Variants in HYLS1 observed in about 807,000 individuals in gnomAD.
The protein encoded by HYLS1 is HYLS1 centriolar and ciliogenesis associated.
A neutral mutation model predicts 29.4 loss-of-function variants in HYLS1; 25 were observed. The observed-to-expected ratio is 0.85, with a 90% CI of 0.62 to 1.19. The LOEUF (loss-of-function observed/expected upper bound fraction) is 1.19, where lower values mean the gene tolerates loss of function less well. Ranked by LOEUF, HYLS1 falls within the 50% of genes most tolerant of loss-of-function variation. The probability of loss-of-function intolerance (pLI) is 0.00; values close to 1 mark genes in which losing one functional copy is unlikely to be tolerated. For missense variants in HYLS1, 352 were observed against 365.1 expected (o/e 0.96, Z 0.29); for synonymous variants, 128 against 126.7 (o/e 1.01, Z -0.07).
At chr11:125,893,604 A>G in intron 2 of HYLS1, 1 of 514,418 alleles carries the variant, frequency 1.9e-6, no homozygotes, top group Non-Finnish European at 3.3e-6. Context: ...GGATAAGAGA[A>G]TATTTGAAAT....
In HYLS1 at chr11:125,899,595, A is replaced by G. The variant is rs1591507330; in HGVS notation, c.227A>G (p.Asn76Ser). The change falls in exon 3 of 3, where the codon AAT becomes AGT. Residue 76 changes from asparagine to serine, a missense_variant. By Grantham distance (46) the Asn-to-Ser change is conservative (BLOSUM62 1). Coordinates refer to ENST00000425380, the MANE Select transcript of HYLS1 (RefSeq NM_001134793.2). ...VQLQYPHVES[N>S]VPSETVSEAS... The stretch of plus-strand genomic sequence containing the variant: ...CTACAGTACCCACATGTAGAAAGTA[A>G]TGTCCCTTCAGAAACAGTCTCTGAG... 3 of 1,614,164 alleles carry G rather than the reference A, an allele frequency of 1.9e-6. No homozygotes were observed. The highest frequency in any genetic ancestry group is 1.7e-5 in the Admixed American group (1 of 60,026).
At chr11:125,886,833 C>G (rs1944312700), upstream of HYLS1, among the ~76,000 whole-genome samples, 1 of 146,092 alleles carries the variant, frequency 6.8e-6, no homozygotes, top group African/African-American at 2.5e-5. Flanking sequence ...ATCGCTTGAA[C>G]CTGGGAGGCA....
At chr11:125,889,122 ACGTC>A (rs1224221970) in intron 1 of HYLS1, among the ~76,000 whole-genome samples, 1 of 152,236 alleles carries the variant, frequency 6.6e-6, no homozygotes, top group African/African-American at 2.4e-5. Flanking sequence ...ATTTAAAAGA[ACGTC>A]AGTTAAGCAG....
Position 125,894,194 on chromosome 11 carries a change from G to A in HYLS1, c.-26+2722G>A. On this transcript the variant is annotated intron_variant, in intron 2 of 2. Coordinates refer to ENST00000425380, the MANE Select transcript of HYLS1 (RefSeq NM_001134793.2). ...ATTAGCCCACAGTTGTTGTAGGTGG[G>A]TAATATTGAACTCCTGAGCCTCCTG... The A allele has an allele frequency of 3.7e-6, 6 of 1,613,998 alleles. No homozygotes were observed. The highest frequency in any genetic ancestry group is 5.1e-6 in the Non-Finnish European group (6 of 1,179,950).
rs1275455368 is a variant in HYLS1 at position 125,899,556 on chromosome 11, C to G, written c.188C>G (p.Ala63Gly). 1 of 1,614,180 alleles carries G rather than the reference C, an allele frequency of 6.2e-7. No homozygotes were observed. The highest frequency in any genetic ancestry group is 1.1e-5 in the South Asian group (1 of 91,084). ...TCAGTAGCCCCAGGGAAGCGACCTG[C>G]TCTTCCTGTGCAACTACAGTACCCA... ...KASVAPGKRP[A>G]LPVQLQYPHV... Residue 63 changes from alanine (A) to glycine (G), a missense_variant, in exon 3 of 3, where the codon GCT (alanine) becomes GGT (glycine). By Grantham distance (60) the Ala-to-Gly change is moderately conservative. Transcript: ENST00000425380.
upstream of HYLS1, among the ~76,000 whole-genome samples, chr11:125,885,720 G>C (rs1031988670): frequency 6.6e-6 from 1 of 152,246 alleles, no homozygotes; most frequent in Admixed American, 6.5e-5. Flanking sequence ...AGGCCGCAAG[G>C]CAGGGGGTAA....
At chr11:125,887,973 T>G (rs1411087480) in intron 1 of HYLS1, 1 of 149,972 alleles carries the variant, frequency 6.7e-6, no homozygotes, top group Non-Finnish European at 1.5e-5. Flanking sequence ...CTACAGGCGA[T>G]GTGCGCGGCG....
At chr11:125,895,491 C>T (rs1392949378) in intron 2 of HYLS1, 3 of 1,614,150 alleles carry the variant, frequency 1.9e-6, no homozygotes, top group Non-Finnish European at 2.5e-6. Context: ...ATCCATTTTA[C>T]ACAAGTTCCT....
chr11:125,886,509 G>T (rs1347968222), upstream of HYLS1, among the ~76,000 whole-genome samples: 2 of 150,586 alleles, frequency 1.3e-5, no homozygotes. Context: ...CTAGGATATT[G>T]AACCCTGAGG....
At chr11:125,897,205 AG>A (rs1456931811) in intron 2 of HYLS1, among the ~76,000 whole-genome samples, 1 of 152,198 alleles carries the variant, frequency 6.6e-6, no homozygotes, top group Non-Finnish European at 1.5e-5. Flanking sequence ...ATCTAAGTAT[AG>A]GTAGCTTAGT....
intron 2 of HYLS1, chr11:125,896,397 A>G: frequency 9.5e-7 from 1 of 1,056,960 alleles, no homozygotes; most frequent in South Asian, 1.6e-5. Flanking sequence ...CTAATGGTAT[A>G]TAAGATTTAA....
chr11:125,893,647 C>A, intron 2 of HYLS1: 2 of 678,186 alleles, frequency 2.9e-6, no homozygotes, highest in Non-Finnish European at 4.7e-6. Flanking sequence ...CTTAATAGGG[C>A]TTTAGTCTTT....
At chr11:125,885,756 C>T (rs1944295354), upstream of HYLS1, among the ~76,000 whole-genome samples, 1 of 152,256 alleles carries the variant, frequency 6.6e-6, no homozygotes, top group Non-Finnish European at 1.5e-5. Flanking sequence ...TCTGTTTCTA[C>T]AGCCACTCCC....
In HYLS1 at chr11:125,899,584, T is replaced by C. The variant is rs779106715; in HGVS notation, c.216T>C (p.His72=). Residue 72 remains histidine, a synonymous_variant, in exon 3 of 3, where the codon CAT becomes CAC. Coordinates refer to ENST00000425380, the MANE Select transcript of HYLS1 (RefSeq NM_001134793.2). ...TTCCTGTGCAACTACAGTACCCACATGTAGAAAGTAATGTCCCTTCAGAAA... is the reference window on the plus strand; with the variant it reads ...TTCCTGTGCAACTACAGTACCCACACGTAGAAAGTAATGTCCCTTCAGAAA... ...PALPVQLQYP[H]VESNVPSETV... 1.2e-6 allele frequency: 2 copies of C among 1,614,078 alleles called. No individual in the cohort carries two copies. Among genetic ancestry groups the C allele is most frequent in the Non-Finnish European group, 1.7e-6 (2 of 1,179,988 alleles).
At chr11:125,895,313 G>T in intron 2 of HYLS1, 3 of 1,614,066 alleles carry the variant, frequency 1.9e-6, no homozygotes, top group Non-Finnish European at 2.5e-6. Context: ...TCAGAAAGAG[G>T]ATAGCCATCA....
Position 125,891,411 on chromosome 11 carries a change from C to T in HYLS1, c.-75-12C>T, listed in dbSNP as rs1053832200. ...AGAGTTAATTTTTTTAAACTCTATT[C>T]TTCTTTTCTAGGTTTTTTTTTTACT... On this transcript the variant is annotated splice_polypyrimidine_tract_variant and intron_variant, in intron 1 of 2. Transcript: ENST00000425380. 1 of 81,656 alleles carries T rather than the reference C, an allele frequency of 1.2e-5. No individual in the cohort carries two copies. The highest frequency in any genetic ancestry group is 2.4e-5 in the Non-Finnish European group (1 of 41,250). 5.1% of individuals were successfully genotyped at this position (81,656 alleles called of 1,614,324 possible).
chr11:125,891,866 T>G (rs989240263), intron 2 of HYLS1, among the ~76,000 whole-genome samples: 5 of 152,220 alleles, frequency 3.3e-5, no homozygotes, highest in Non-Finnish European at 7.3e-5. Context: ...AATCTGGAAC[T>G]GTTTCAGTGA....
In HYLS1 at chr11:125,895,475, G is replaced by A. The variant is rs1175614088; in HGVS notation, c.-25-3869G>A. Reference sequence around the variant, plus strand: ...TCCTCTGAAAATTAATCACACCGTTGGCTACATCCATTTTACACAAGTTCC... The same window carrying A: ...TCCTCTGAAAATTAATCACACCGTTAGCTACATCCATTTTACACAAGTTCC... On this transcript the variant is annotated intron_variant, in intron 2 of 2. Coordinates refer to ENST00000425380, the MANE Select transcript of HYLS1 (RefSeq NM_001134793.2). 9 of 1,614,028 alleles carry A rather than the reference G, an allele frequency of 5.6e-6. No individual in the cohort carries two copies. In the South Asian group the frequency reaches 9.9e-5, roughly 18 times the overall value.
intron 1 of HYLS1, among the ~76,000 whole-genome samples, chr11:125,890,440 T>C (rs1944390147): frequency 6.6e-6 from 1 of 152,224 alleles, no homozygotes; most frequent in Non-Finnish European, 1.5e-5. Context: ...GATGTTTTGT[T>C]TTGTTTTAAT....
Sources: gnomAD v4.1 joint callset for allele counts (sites outside exome capture counted in the v4.1 genomes callset) on GRCh38, gnomAD v4.1.1 for gene constraint, MANE v1.5 for transcripts, NCBI Gene and HGNC (gene_info 2026-07-23, HGNC 2026-07-21) for gene names.